The following ESR1 variants were observed in gnomAD, a reference collection of about 807,000 sequenced individuals.
ESR1 encodes the protein estrogen receptor.
In ESR1, 12 loss-of-function variants were observed where a neutral mutation model predicts 52.7. That is an observed-to-expected ratio of 0.23 (90% CI 0.15 to 0.37). ESR1 has a LOEUF of 0.37. Among genes scored for constraint, ESR1 ranks in the 10% least tolerant of loss-of-function variants. ESR1 has a pLI of 1.00. For missense variants in ESR1, 584 were observed against 779.7 expected (o/e 0.75, Z 2.99); for synonymous variants, 305 against 316.8 (o/e 0.96, Z 0.39).
At chr6:151,743,095 C>G (rs1472630063) in intron 2 of ESR1, among the ~76,000 whole-genome samples, 2 of 152,172 alleles carry the variant, frequency 1.3e-5, no homozygotes, top group African/African-American at 4.8e-5. Flanking sequence ...CAAGAAAGCT[C>G]CCCAGGGGCT....
chr6:151,815,228 T>C (rs1465197450), intron 1 of ESR1, among the ~76,000 whole-genome samples: 2 of 152,210 alleles, frequency 1.3e-5, no homozygotes, highest in African/African-American at 4.8e-5. Context: ...TTTCAAGCAA[T>C]TCAGAGTGAA....
intron 2 of ESR1, among the ~76,000 whole-genome samples, chr6:151,740,385 C>T (rs898836290): frequency 1.0e-4 from 15 of 149,260 alleles, no homozygotes; most frequent in African/African-American, 3.0e-4. Flanking sequence ...ATCTACCTGC[C>T]TCGGCCTCCC....
intron 4 of ESR1, among the ~76,000 whole-genome samples, chr6:151,978,903 G>A (rs2039720426): frequency 6.6e-6 from 1 of 152,174 alleles, no homozygotes; most frequent in South Asian, 2.1e-4. Context: ...AGAAAGAATG[G>A]TAAGTCAAAT....
chr6:151,687,271 A>G (rs752018885), upstream of ESR1, among the ~76,000 whole-genome samples: 2 of 152,202 alleles, frequency 1.3e-5, no homozygotes, highest in Non-Finnish European at 2.9e-5. Flanking sequence ...TTGTTCAAGT[A>G]ACAGGAGCTG....
At chr6:151,981,922 G>A (rs556738415) in intron 4 of ESR1, among the ~76,000 whole-genome samples, 10 of 152,308 alleles carry the variant, frequency 6.6e-5, no homozygotes, top group African/African-American at 2.4e-4. Context: ...TAAACATCAA[G>A]CTAAGGAGTT....
At chr6:151,761,997 T>G (rs1050248449) in intron 2 of ESR1, among the ~76,000 whole-genome samples, 1 of 152,180 alleles carries the variant, frequency 6.6e-6, no homozygotes, top group Non-Finnish European at 1.5e-5. Flanking sequence ...CAAAACGTGC[T>G]TTTTTATCTT....
At chr6:151,735,571 T>G (rs550418368) in intron 2 of ESR1, among the ~76,000 whole-genome samples, 15 of 152,246 alleles carry the variant, frequency 9.9e-5, no homozygotes, top group African/African-American at 2.2e-4. Flanking sequence ...TTTTGTTTTT[T>G]TTTTCATTTC....
chr6:151,704,813 G>A (rs1780058922), intron 2 of ESR1, among the ~76,000 whole-genome samples: 2 of 152,150 alleles, frequency 1.3e-5, no homozygotes, highest in African/African-American at 2.4e-5. Context: ...GAAAAATCAA[G>A]TAATTTGCTA....
chr6:151,785,724 C>T (rs141415139), intron 2 of ESR1, among the ~76,000 whole-genome samples: 23 of 152,238 alleles, frequency 1.5e-4, no homozygotes, highest in Non-Finnish European at 2.6e-4. Flanking sequence ...GCCATTGAAC[C>T]CATTAGAACC....
intron 4 of ESR1, among the ~76,000 whole-genome samples, chr6:151,976,859 A>G (rs1232100506): frequency 1.3e-5 from 2 of 152,084 alleles, no homozygotes; most frequent in Admixed American, 6.6e-5. Flanking sequence ...ATTGCTATAC[A>G]TATATATGTA....
chr6:151,696,387 G>T (rs1051007138), intron 1 of ESR1, among the ~76,000 whole-genome samples: 1 of 151,864 alleles, frequency 6.6e-6, no homozygotes, highest in African/African-American at 2.4e-5. Context: ...CAGGAGATTC[G>T]CTTGAACCTG....
intron 5 of ESR1, among the ~76,000 whole-genome samples, chr6:152,048,421 GC>G (rs2046410019): frequency 6.8e-6 from 1 of 148,128 alleles, no homozygotes. Context: ...ATACTCCCCT[GC>G]CCCCTCATTT....
At chr6:151,677,053 G>C (rs1369127198) in intron 1 of ESR1, among the ~76,000 whole-genome samples, 2 of 152,192 alleles carry the variant, frequency 1.3e-5, no homozygotes, top group Non-Finnish European at 2.9e-5. Flanking sequence ...GTCTCACTCT[G>C]TCATCCAGGC....
At chr6:151,980,860 C>T (rs2039926849) in intron 4 of ESR1, among the ~76,000 whole-genome samples, 1 of 152,160 alleles carries the variant, frequency 6.6e-6, no homozygotes, top group African/African-American at 2.4e-5. Flanking sequence ...CGTGCCACCA[C>T]GTCCAGCTAA....
intron 4 of ESR1, among the ~76,000 whole-genome samples, chr6:151,985,117 G>GT (rs796654378): frequency 8.5e-5 from 13 of 152,138 alleles, no homozygotes; most frequent in African/African-American, 3.1e-4. Context: ...ATAACGTTAT[G>GT]TGCTCCTTCC....
intron 1 of ESR1, among the ~76,000 whole-genome samples, chr6:151,661,077 G>A (rs1405203446): frequency 1.3e-5 from 2 of 152,150 alleles, no homozygotes; most frequent in Admixed American, 1.3e-4. Context: ...AATAGGAGAT[G>A]TGTCTCAACA....
intron 2 of ESR1, among the ~76,000 whole-genome samples, chr6:151,859,636 G>A (rs930554260): frequency 6.6e-6 from 1 of 152,186 alleles, no homozygotes; most frequent in South Asian, 2.1e-4. Flanking sequence ...TCCCTAAGGT[G>A]GGAAGCAGAG....
intron 6 of ESR1, among the ~76,000 whole-genome samples, chr6:152,081,273 G>C (rs1399074305): frequency 6.6e-6 from 1 of 152,086 alleles, no homozygotes; most frequent in African/African-American, 2.4e-5. Flanking sequence ...ACAACAAACT[G>C]TCTCTCAGAC....
At chr6:151,998,660 C>T (rs1297165795) in intron 4 of ESR1, among the ~76,000 whole-genome samples, 1 of 152,090 alleles carries the variant, frequency 6.6e-6, no homozygotes. Flanking sequence ...ATCTTGCAGA[C>T]CCCAGATAGA....
Sources: gnomAD v4.1 joint callset for allele counts (sites outside exome capture counted in the v4.1 genomes callset) on GRCh38, gnomAD v4.1.1 for gene constraint, MANE v1.5 for transcripts, NCBI Gene and HGNC (gene_info 2026-07-23, HGNC 2026-07-21) for gene names.